VPS13B: variants seen among roughly 807,000 people sequenced by gnomAD.
VPS13B encodes intermembrane lipid transfer protein VPS13B.
In VPS13B, 285 loss-of-function variants were observed where a neutral mutation model predicts 426.4. The observed-to-expected ratio is 0.67, with a 90% CI of 0.61 to 0.74. The LOEUF (loss-of-function observed/expected upper bound fraction) is 0.74, where lower values mean the gene tolerates loss of function less well. Ranked by LOEUF, VPS13B falls within the 30% of genes least tolerant of loss-of-function variation. The probability of loss-of-function intolerance (pLI) is 0.00; values close to 1 mark genes in which losing one functional copy is unlikely to be tolerated. For synonymous variants in VPS13B, 1,676 were observed against 1,676.4 expected, an observed-to-expected ratio of 1.00 and a Z score of 0.01; for missense variants, 4,537 against 4,782.6, an observed-to-expected ratio of 0.95 and a Z score of 1.51.
intron 3 of VPS13B, among the ~76,000 whole-genome samples, chr8:99,093,457 C>T (rs1846259477): frequency 6.6e-6 from 1 of 151,554 alleles, no homozygotes; most frequent in Non-Finnish European, 1.5e-5. Flanking sequence ...TATACATGTG[C>T]CATGCTGGTG....
chr8:99,095,530 C>G (rs1253910942), intron 3 of VPS13B, among the ~76,000 whole-genome samples: 1 of 151,960 alleles, frequency 6.6e-6, no homozygotes, highest in East Asian at 1.9e-4. Flanking sequence ...AACAAACAAA[C>G]AAACAAAAAG....
At chr8:99,115,114 A>G (rs933301501) in intron 6 of VPS13B, among the ~76,000 whole-genome samples, 1 of 152,150 alleles carries the variant, frequency 6.6e-6, no homozygotes, top group Non-Finnish European at 1.5e-5. Context: ...AATTTGTCTG[A>G]AAAACTTTTT....
chr8:99,102,086 A>C (rs1351951045), intron 4 of VPS13B, among the ~76,000 whole-genome samples: 2 of 152,144 alleles, frequency 1.3e-5, no homozygotes, highest in Non-Finnish European at 2.9e-5. Flanking sequence ...TACATGAGAA[A>C]CATAAGTGAG....
intron 3 of VPS13B, among the ~76,000 whole-genome samples, chr8:99,061,708 T>C (rs1844200930): frequency 6.6e-6 from 1 of 152,198 alleles, no homozygotes; most frequent in Non-Finnish European, 1.5e-5. Flanking sequence ...TGAAATAATA[T>C]TATAAAATAC....
At chr8:99,412,971 C>T (rs10955207) in intron 21 of VPS13B, among the ~76,000 whole-genome samples, 40,359 of 151,928 alleles carry the variant, frequency 0.27, 6,102 homozygotes, top group East Asian at 0.44. Context: ...CAGTATTTTA[C>T]TGAGGATTTT....
At chr8:99,647,968 TG>T (rs1240995174) in intron 34 of VPS13B, among the ~76,000 whole-genome samples, 15 of 152,228 alleles carry the variant, frequency 9.9e-5, no homozygotes, top group African/African-American at 3.6e-4. Context: ...CTTTGAGTGT[TG>T]TAGGAATACA....
At chr8:99,722,094 A>T (rs181926311) in intron 39 of VPS13B, among the ~76,000 whole-genome samples, 1 of 152,260 alleles carries the variant, frequency 6.6e-6, no homozygotes, top group Admixed American at 6.5e-5. Context: ...CTCCAACTGG[A>T]GTTCATGCCA....
At chr8:99,233,466 G>T in intron 17 of VPS13B, 1 of 1,351,844 alleles carries the variant, frequency 7.4e-7, no homozygotes, top group Non-Finnish European at 1.1e-6. Context: ...CCACAGCCTG[G>T]GTTGGGATGA....
intron 23 of VPS13B, among the ~76,000 whole-genome samples, chr8:99,448,156 T>TA: frequency 6.7e-6 from 1 of 148,522 alleles, no homozygotes; most frequent in East Asian, 1.9e-4. Flanking sequence ...TTTATTTATT[T>TA]ATTTATTGCA....
chr8:99,113,681 C>T (rs1052812713), intron 6 of VPS13B, among the ~76,000 whole-genome samples: 1 of 152,138 alleles, frequency 6.6e-6, no homozygotes, highest in Non-Finnish European at 1.5e-5. Context: ...TCTCCTGCCT[C>T]AGCTTCCCGA....
At chr8:99,607,901 A>T (rs115732318) in intron 33 of VPS13B, among the ~76,000 whole-genome samples, 1,940 of 152,244 alleles carry the variant, frequency 0.013, 49 homozygotes, top group African/African-American at 0.044. Flanking sequence ...AAACAAAAAC[A>T]ATCACTGGCA....
At chr8:99,217,465 G>A (rs1815449456) in intron 17 of VPS13B, among the ~76,000 whole-genome samples, 2 of 152,226 alleles carry the variant, frequency 1.3e-5, no homozygotes, top group Admixed American at 1.3e-4. Context: ...TCAGAGCTCT[G>A]GCTATATGAC....
intron 21 of VPS13B, among the ~76,000 whole-genome samples, chr8:99,421,389 A>G (rs942420299): frequency 1.3e-4 from 20 of 152,202 alleles, no homozygotes; most frequent in Non-Finnish European, 2.4e-4. Flanking sequence ...TTTCTGAACT[A>G]TTTATTATCC....
intron 44 of VPS13B, among the ~76,000 whole-genome samples, chr8:99,814,259 CAGTT>C (rs368548295): frequency 1.1e-3 from 174 of 152,240 alleles, no homozygotes; most frequent in African/African-American, 3.3e-3. Context: ...GAAAATGTAT[CAGTT>C]AGGACGCTTT....
At chr8:99,428,319 G>A (rs1000306027) in intron 21 of VPS13B, among the ~76,000 whole-genome samples, 1 of 152,114 alleles carries the variant, frequency 6.6e-6, no homozygotes, top group Non-Finnish European at 1.5e-5. Context: ...CTTCTGCACA[G>A]CAAAAGAAAC....
intron 36 of VPS13B, among the ~76,000 whole-genome samples, chr8:99,704,960 G>A (rs1832437236): frequency 6.6e-6 from 1 of 152,158 alleles, no homozygotes; most frequent in Non-Finnish European, 1.5e-5. Flanking sequence ...TATAGTCCCT[G>A]AGGTAGAGGT....
chr8:99,594,001 G>A (rs997826323), intron 33 of VPS13B, among the ~76,000 whole-genome samples: 1 of 151,854 alleles, frequency 6.6e-6, no homozygotes, highest in South Asian at 2.1e-4. Flanking sequence ...GATGATCTGT[G>A]CAGGAAACCA....
chr8:99,565,199 A>C (rs1825122719), intron 31 of VPS13B, among the ~76,000 whole-genome samples: 1 of 152,186 alleles, frequency 6.6e-6, no homozygotes, highest in Non-Finnish European at 1.5e-5. Flanking sequence ...CTTAAAAGTA[A>C]ATAATTTTGT....
intron 51 of VPS13B, among the ~76,000 whole-genome samples, chr8:99,825,404 C>A (rs548887232): frequency 9.9e-5 from 15 of 152,138 alleles, no homozygotes; most frequent in African/African-American, 3.4e-4. Flanking sequence ...ATCCTTTGCC[C>A]ACTTTCTGAT....
Sources: gnomAD v4.1 joint callset for allele counts (sites outside exome capture counted in the v4.1 genomes callset) on GRCh38, gnomAD v4.1.1 for gene constraint, MANE v1.5 for transcripts, NCBI Gene and HGNC (gene_info 2026-07-23, HGNC 2026-07-21) for gene names.